Variants in STARD13 observed in about 807,000 individuals in gnomAD.
STARD13 encodes the protein stAR-related lipid transfer protein 13.
In STARD13, 62 loss-of-function variants were observed where a neutral mutation model predicts 106.4. The ratio of observed to expected loss-of-function variants is 0.58; its 90% CI spans 0.48 to 0.72. The LOEUF is 0.72. Among genes scored for constraint, STARD13 ranks in the 30% least tolerant of loss-of-function variants. The probability of loss-of-function intolerance (pLI) is 0.00; values close to 1 mark genes in which losing one functional copy is unlikely to be tolerated. For missense variants in STARD13, 1,387 were observed against 1,424.0 expected (o/e 0.97, Z 0.42); for synonymous variants, 565 against 553.0 (o/e 1.02, Z -0.31).
intron 1 of STARD13, chr13:33,276,723 C>T (rs1033164050): frequency 6.6e-6 from 1 of 152,182 alleles, no homozygotes; most frequent in Admixed American, 6.6e-5. Context: ...CCTACTTCAG[C>T]TCGAAATCCT....
chr13:33,656,241 T>C, the STARD13 span, among the ~76,000 whole-genome samples: 1 of 152,158 alleles, frequency 6.6e-6, no homozygotes, highest in Non-Finnish European at 1.5e-5. Context: ...TCATTGGACA[T>C]AGTAGCTTCT....
chr13:33,487,607 ACAT>A, the STARD13 span, among the ~76,000 whole-genome samples: 1 of 152,184 alleles, frequency 6.6e-6, no homozygotes, highest in Non-Finnish European at 1.5e-5. Context: ...CGGTGCACTC[ACAT>A]CATTAGAAAG....
chr13:33,470,597 C>T, the STARD13 span, among the ~76,000 whole-genome samples: 1 of 152,286 alleles, frequency 6.6e-6, no homozygotes, highest in South Asian at 2.1e-4. Context: ...TGTTTCCTGA[C>T]TTTTTAATGA....
At chr13:33,553,231 G>A in the STARD13 span, among the ~76,000 whole-genome samples, 1 of 151,786 alleles carries the variant, frequency 6.6e-6, no homozygotes, top group Non-Finnish European at 1.5e-5. Flanking sequence ...AGTTTCATTC[G>A]TAAATGTACA....
the STARD13 span, among the ~76,000 whole-genome samples, chr13:33,438,693 C>T: frequency 6.6e-6 from 1 of 152,156 alleles, no homozygotes; most frequent in Non-Finnish European, 1.5e-5. Flanking sequence ...CCTTGCAAAT[C>T]TCCCCAAGAG....
At chr13:33,210,965 C>A (rs1234136105) in intron 1 of STARD13, among the ~76,000 whole-genome samples, 1 of 152,088 alleles carries the variant, frequency 6.6e-6, no homozygotes, top group Non-Finnish European at 1.5e-5. Context: ...AGAAATTCAC[C>A]AATTTCTTGA....
chr13:33,172,891 T>C (rs1424262047), intron 1 of STARD13, among the ~76,000 whole-genome samples: 1 of 152,226 alleles, frequency 6.6e-6, no homozygotes, highest in Non-Finnish European at 1.5e-5. Context: ...CTTGAATTTC[T>C]ATGGACAAAC....
At chr13:33,435,849 C>T in the STARD13 span, among the ~76,000 whole-genome samples, 1 of 152,068 alleles carries the variant, frequency 6.6e-6, no homozygotes, top group Non-Finnish European at 1.5e-5. Flanking sequence ...ATAAAGGGTA[C>T]CAAAAATCTC....
chr13:33,369,390 A>G, the STARD13 span, among the ~76,000 whole-genome samples: 1 of 152,204 alleles, frequency 6.6e-6, no homozygotes, highest in African/African-American at 2.4e-5. Flanking sequence ...CTCCCTTCAA[A>G]TACCTTGAAA....
Position 33,129,083 on chromosome 13 carries a change from T to C in STARD13, c.1594A>G (p.Ile532Val), listed in dbSNP as rs770451366. The C allele has an allele frequency of 3.5e-5, 57 of 1,614,154 alleles. 1 individual carries two copies. The Admixed American group carries it at 7.5e-4, about 21-fold the overall frequency. Reference sequence around the variant, plus strand: ...GAGTTACCTTCAAAATCTAAGGTGATCTGATTAGGAGATGGAAAGGTGGAT... The same window carrying C: ...GAGTTACCTTCAAAATCTAAGGTGACCTGATTAGGAGATGGAAAGGTGGAT... ...GLSTFPSPNQ[I>V]TLDFEGNSVS... Residue 532 changes from isoleucine to valine, a missense_variant, in exon 5 of 14, where the codon ATC (isoleucine) becomes GTC (valine). By Grantham distance (29) the Ile-to-Val change is conservative. Transcript: ENST00000336934.
At chr13:33,442,932 GA>G in the STARD13 span, among the ~76,000 whole-genome samples, 1 of 152,098 alleles carries the variant, frequency 6.6e-6, no homozygotes, top group Non-Finnish European at 1.5e-5. Flanking sequence ...AAAATCACAG[GA>G]TGCCAGGGGC....
chr13:33,502,942 G>C, the STARD13 span, among the ~76,000 whole-genome samples: 1 of 152,182 alleles, frequency 6.6e-6, no homozygotes, highest in Non-Finnish European at 1.5e-5. Flanking sequence ...GATTGGAATA[G>C]TTTCAGAAGG....
At chr13:33,545,218 T>G in the STARD13 span, among the ~76,000 whole-genome samples, 1 of 152,008 alleles carries the variant, frequency 6.6e-6, no homozygotes, top group Non-Finnish European at 1.5e-5. Flanking sequence ...CCTTGGCCTC[T>G]CAAAGTGCTG....
intron 1 of STARD13, among the ~76,000 whole-genome samples, chr13:33,216,622 C>T (rs1022084540): frequency 1.3e-5 from 2 of 152,112 alleles, no homozygotes; most frequent in South Asian, 2.1e-4. Flanking sequence ...GTGTATACTG[C>T]TAGGGTGACA....
intron 1 of STARD13, among the ~76,000 whole-genome samples, chr13:33,342,043 G>A (rs942477595): frequency 4.6e-5 from 7 of 152,132 alleles, no homozygotes; most frequent in Admixed American, 2.0e-4. Context: ...TGCCCGCCAC[G>A]GACAGCTTCC....
chr13:33,479,309 G>A, the STARD13 span, among the ~76,000 whole-genome samples: 1 of 152,152 alleles, frequency 6.6e-6, no homozygotes, highest in Non-Finnish European at 1.5e-5. Flanking sequence ...CCCTATGAAG[G>A]GGAATTTGAT....
At chr13:33,520,024 A>T in the STARD13 span, 1 of 152,196 alleles carries the variant, frequency 6.6e-6, no homozygotes, top group Admixed American at 6.5e-5. Context: ...AGTCATTTTC[A>T]GTTGCCATCT....
the STARD13 span, among the ~76,000 whole-genome samples, chr13:33,579,350 G>A: frequency 6.6e-5 from 10 of 151,928 alleles, no homozygotes; most frequent in Admixed American, 2.6e-4. Flanking sequence ...GTAGCAACTC[G>A]GATGGAGCTG....
At chr13:33,429,552 TAC>T in the STARD13 span, among the ~76,000 whole-genome samples, 2 of 149,266 alleles carry the variant, frequency 1.3e-5, no homozygotes, top group African/African-American at 4.9e-5. Context: ...GAAAATGTGG[TAC>T]ATACACACAA....
Sources: gnomAD v4.1 joint callset for allele counts (sites outside exome capture counted in the v4.1 genomes callset) on GRCh38, gnomAD v4.1.1 for gene constraint, MANE v1.5 for transcripts, NCBI Gene and HGNC (gene_info 2026-07-23, HGNC 2026-07-21) for gene names.